BSN: variants seen among roughly 807,000 people sequenced by gnomAD.
BSN encodes bassoon presynaptic cytomatrix protein, also known as protein bassoon.
A neutral mutation model predicts 264.8 loss-of-function variants in BSN; 57 were observed. The ratio of observed to expected loss-of-function variants is 0.22; its 90% CI spans 0.17 to 0.27. BSN has a LOEUF of 0.27. Ranked by LOEUF, BSN falls within the 10% of genes least tolerant of loss-of-function variation. The pLI, the probability that BSN is intolerant of heterozygous loss-of-function variation, is 1.00. For missense variants in BSN, 4,615 were observed against 5,232.5 expected, an observed-to-expected ratio of 0.88 and a Z score of 3.64; for synonymous variants, 2,059 against 2,137.3, an observed-to-expected ratio of 0.96 and a Z score of 1.01.
At chr3:49,573,500 C>T (rs1430832970) in intron 1 of BSN, among the ~76,000 whole-genome samples, 1 of 152,088 alleles carries the variant, frequency 6.6e-6, no homozygotes, top group African/African-American at 2.4e-5. Flanking sequence ...TAACTCCTCC[C>T]CAGCTTTTTC....
chr3:49,601,916 A>G (rs1367744263), intron 1 of BSN, among the ~76,000 whole-genome samples: 3 of 152,188 alleles, frequency 2.0e-5, no homozygotes, highest in Non-Finnish European at 4.4e-5. Context: ...GTTCTGTTCT[A>G]TGACTGAGCT....
downstream of BSN, among the ~76,000 whole-genome samples, chr3:49,673,114 T>TTTTTTTTTTTTTTTTTTTC (rs2052851108): frequency 7.3e-6 from 1 of 136,382 alleles, no homozygotes; most frequent in Non-Finnish European, 1.6e-5. Context: ...TTTTTTTTTT[T>TTTTTTTTTTTTTTTTTTTC]TACTTAACTA....
intron 1 of BSN, among the ~76,000 whole-genome samples, chr3:49,566,283 C>T (rs1048399282): frequency 6.6e-6 from 1 of 152,228 alleles, no homozygotes; most frequent in Non-Finnish European, 1.5e-5. Flanking sequence ...CCTAGACTAT[C>T]TCTCATTTTG....
chr3:49,571,678 T>C (rs1046004782), intron 1 of BSN, among the ~76,000 whole-genome samples: 2 of 152,128 alleles, frequency 1.3e-5, no homozygotes, highest in African/African-American at 4.8e-5. Flanking sequence ...TTCATCCCTT[T>C]CTTCCTCCAA....
rs1368057940 is a variant in BSN at position 49,585,916 on chromosome 3, A to G, written c.224+31090A>G. 4.6e-5 allele frequency among the ~76,000 whole-genome samples: 7 copies of G among 152,082 alleles called. No homozygotes were observed. The highest frequency in any genetic ancestry group is 8.8e-5 in the Non-Finnish European group (6 of 68,014). ...GTGTGTCTTCTTTTGAGAAATGTCT[A>G]TTCAGATCTTTTGTTCATTTTTGAT... is the stretch of plus-strand genomic sequence containing the variant. On this transcript the variant is annotated intron_variant, in intron 1 of 11. Transcript: ENST00000296452. This position sits in a 1 kb window ranked among gnomAD's most constrained non-coding sequence, Gnocchi z 4.7.
rs1362211800 is a variant in BSN at position 49,585,824 on chromosome 3, G to C, written c.224+30998G>C. 2.0e-5 allele frequency among the ~76,000 whole-genome samples: 3 copies of C among 152,104 alleles called. No individual in the cohort carries two copies. The highest frequency in any genetic ancestry group is 4.4e-5 in the Non-Finnish European group (3 of 68,008). ...CTGGGGTGAGATGATACCTCATTTA[G>C]TTTTGATTTGCATTTCTCTGATGAT... is the stretch of plus-strand genomic sequence containing the variant. On this transcript the variant is annotated intron_variant, in intron 1 of 11. Transcript: ENST00000296452. The surrounding 1 kb of genome is among the most constrained non-coding windows in gnomAD (Gnocchi z 4.7).
In BSN at chr3:49,594,551, C is replaced by T. The variant is rs537792675; in HGVS notation, c.225-30424C>T. On this transcript the variant is annotated intron_variant, in intron 1 of 11. Transcript: ENST00000296452. ...ATTGATTTATGTGTTTATCCTTCCA[C>T]CAGTAGTATACTGTTTTTATTACTG... 1.2e-4 allele frequency among the ~76,000 whole-genome samples: 19 copies of T among 152,268 alleles called. No homozygotes were observed. In the South Asian group the frequency reaches 1.9e-3, roughly 15 times the overall value.
rs777288960 is a variant in BSN at position 49,663,791 on chromosome 3, G to A, written c.11513G>A (p.Arg3838Gln). 9.3e-6 allele frequency: 15 copies of A among 1,614,022 alleles called. No homozygotes were observed. The highest frequency in any genetic ancestry group is 4.0e-5 in the African/African-American group (3 of 74,920). Residue 3838 changes from arginine (R) to glutamine (Q), a missense_variant, in exon 8 of 12, where the codon CGG becomes CAG. By Grantham distance (43) the Arg-to-Gln change is conservative. Around this residue, in one of 3 missense-constraint regions of BSN, gnomAD observed 3,415 missense variants for 3,866.4 expected, o/e 0.88. Coordinates refer to ENST00000296452, the MANE Select transcript of BSN (RefSeq NM_003458.4). ...GCTATAGGTTCTGTGTTGCAGCCAC[G>A]GGCAGAACAGACAAATGGCTCTAAA... ...ATGPQPAGPP[R>Q]AEQTNGSKGT...
At chr3:49,611,830 C>G (rs905579778) in intron 1 of BSN, among the ~76,000 whole-genome samples, 1 of 152,142 alleles carries the variant, frequency 6.6e-6, no homozygotes, top group Admixed American at 6.5e-5. Flanking sequence ...TCTAGGAGAT[C>G]ATAGGGGGAG....
chr3:49,560,325 CTG>C (rs1311306454), intron 1 of BSN, among the ~76,000 whole-genome samples: 6 of 152,176 alleles, frequency 3.9e-5, no homozygotes, highest in African/African-American at 1.4e-4. Flanking sequence ...TTGGGGCTAA[CTG>C]TGAAGGTAGG....
At position 49,656,503 on chromosome 3, in the gene BSN, C is replaced by A; in HGVS notation, c.6947C>A (p.Pro2316His). Reference protein sequence around the residue: ...AREEPLPTTTPAAIKEAAGAP... With the variant: ...AREEPLPTTTHAAIKEAAGAP... The stretch of plus-strand genomic sequence containing the variant: ...GAAGAGCCTCTTCCCACAACCACCC[C>A]TGCTGCCATCAAGGAGGCTGCAGGA... The change falls in exon 5 of 12, where the codon CCT becomes CAT. Residue 2316 changes from proline to histidine, a missense_variant. By Grantham distance (77) the Pro-to-His change is moderately conservative (BLOSUM62 -2). Transcript: ENST00000296452. 6.3e-7 allele frequency: 1 copy of A among 1,587,288 alleles called. No individual in the cohort carries two copies.
At chr3:49,604,112 T>TG (rs2052093053) in intron 1 of BSN, among the ~76,000 whole-genome samples, 1 of 152,054 alleles carries the variant, frequency 6.6e-6, no homozygotes, top group South Asian at 2.1e-4. Context: ...TCTAAAGAGA[T>TG]GGGGTCTCAC....
At chr3:49,624,507 C>T (rs751541222) in intron 1 of BSN, among the ~76,000 whole-genome samples, 4 of 151,734 alleles carry the variant, frequency 2.6e-5, no homozygotes, top group Admixed American at 6.6e-5. Context: ...CCATGTTGGG[C>T]AGGCTGGTCT....
chr3:49,596,648 G>A (rs927517146), intron 1 of BSN, among the ~76,000 whole-genome samples: 1 of 152,106 alleles, frequency 6.6e-6, no homozygotes, highest in Non-Finnish European at 1.5e-5. Context: ...GAGGCACCAT[G>A]CCTGGCTTTT....
Position 49,650,794 on chromosome 3 carries a change from C to G in BSN, c.1701C>G (p.Pro567=). ...AGGGGCTGGGCCAGCCTTCAGGCCC[C>G]CTGCCTGCCAAGGCCAGCCCTCTAT... ...GPQGLGQPSG[P]LPAKASPLST... is the part of the protein sequence containing the mutation. The change falls in exon 4 of 12, where the codon CCC becomes CCG. Residue 567 remains proline, a synonymous_variant. Transcript: ENST00000296452. 8.1e-6 allele frequency: 13 copies of G among 1,613,970 alleles called. No individual in the cohort carries two copies. The highest frequency in any genetic ancestry group is 1.1e-5 in the Non-Finnish European group (13 of 1,179,954).
intron 1 of BSN, among the ~76,000 whole-genome samples, chr3:49,606,210 T>TATTAAAA (rs2052143206): frequency 1.7e-5 from 1 of 57,714 alleles, no homozygotes; most frequent in Non-Finnish European, 3.0e-5. Context: ...ATATTATATA[T>TATTAAAA]GTATATATTA....
rs570037672 is a variant in BSN, at chr3:49,655,907, T to C, written c.6351T>C (p.Ser2117=). The part of the protein sequence containing the change: ...SMDQYGGRHG[S]GGGGPDLVQY... ...ACCAGTATGGTGGGCGGCATGGCAGTGGTGGTGGTGGCCCTGACCTTGTGC... is the reference window on the plus strand; with the variant it reads ...ACCAGTATGGTGGGCGGCATGGCAGCGGTGGTGGTGGCCCTGACCTTGTGC... The change falls in exon 5 of 12, where the codon AGT becomes AGC. Residue 2117 remains serine (S), a synonymous_variant. Coordinates refer to ENST00000296452, the MANE Select transcript of BSN (RefSeq NM_003458.4). The C allele has an allele frequency of 1.2e-6, 2 of 1,611,338 alleles. No individual in the cohort carries two copies. Among genetic ancestry groups the C allele is most frequent in the East Asian group, 2.2e-5 (1 of 44,862 alleles).
Position 49,669,281 on chromosome 3 carries a change from C to G in BSN, c.*1796C>G, listed in dbSNP as rs1442731250. On this transcript the variant is annotated 3_prime_UTR_variant, in exon 12 of 12. Transcript: ENST00000296452. Reference sequence around the variant, plus strand: ...GCAGGCAGTAAAAGGCCCCCACATACCCTGCAGTTTTCTCTGTCCAGGACA... The same window carrying G: ...GCAGGCAGTAAAAGGCCCCCACATAGCCTGCAGTTTTCTCTGTCCAGGACA... 6.6e-6 allele frequency: 1 copy of G among 152,662 alleles called. No homozygotes were observed. The highest frequency in any genetic ancestry group is 1.5e-5 in the Non-Finnish European group (1 of 68,056). 9.5% of individuals were successfully genotyped at this position (152,662 alleles called of 1,614,324 possible).
At chr3:49,584,022 C>T (rs554339177) in intron 1 of BSN, among the ~76,000 whole-genome samples, 1 of 152,198 alleles carries the variant, frequency 6.6e-6, no homozygotes, top group South Asian at 2.1e-4. Flanking sequence ...TACAGGTGCC[C>T]ACCACCATGC....
Sources: allele counts gnomAD v4.1 joint callset (sites outside exome capture counted in the v4.1 genomes callset), GRCh38; gene constraint gnomAD v4.1.1; regional missense constraint gnomAD v4.1.1; non-coding constraint Gnocchi (gnomAD v3.1); transcripts MANE v1.5; gene names NCBI Gene and HGNC (gene_info 2026-07-23, HGNC 2026-07-21).